The following DMD variants were observed in gnomAD, a reference collection of about 807,000 sequenced individuals.
DMD encodes mutant dystrophin.
In DMD, 63 loss-of-function variants were observed where a neutral mutation model predicts 330.1. That is an observed-to-expected ratio of 0.19 (90% CI 0.16 to 0.24). The LOEUF is 0.24. Ranked by LOEUF, DMD falls within the 10% of genes least tolerant of loss-of-function variation. The pLI is 1.00. For missense variants in DMD, 3,344 were observed against 2,684.1 expected, an observed-to-expected ratio of 1.25 and a Z score of -5.43; for synonymous variants, 1,223 against 959.8, an observed-to-expected ratio of 1.27 and a Z score of -5.07.
chrX:32,399,355 C>G (rs1225790958), intron 30 of DMD, among the ~76,000 whole-genome samples: 7 of 111,501 alleles, frequency 6.3e-5, no homozygotes, highest in Non-Finnish European at 1.3e-4. Context: ...GGATCAATAA[C>G]TAGAATATAT....
chrX:33,269,180 A>G (rs1381759749), intron 1 of DMD, among the ~76,000 whole-genome samples: 2 of 111,519 alleles, frequency 1.8e-5, no homozygotes, highest in Non-Finnish European at 3.8e-5. Context: ...AAAATATCGA[A>G]TCAACCTAAA....
intron 1 of DMD, among the ~76,000 whole-genome samples, chrX:33,320,218 A>G (rs1275261314): frequency 8.9e-6 from 1 of 112,024 alleles, no homozygotes; most frequent in Non-Finnish European, 1.9e-5. Flanking sequence ...CCAAATGCCA[A>G]TGGTACAATA....
chrX:33,066,664 C>A (rs772845859), intron 1 of DMD, among the ~76,000 whole-genome samples: 3 of 109,743 alleles, frequency 2.7e-5, no homozygotes, highest in Non-Finnish European at 5.7e-5. Context: ...AGATGATGCC[C>A]ATTTAAACCT....
chrX:32,409,914 A>G (rs931816677), intron 30 of DMD, among the ~76,000 whole-genome samples: 2 of 111,505 alleles, frequency 1.8e-5, no homozygotes, highest in Admixed American at 1.9e-4. Context: ...CACACTAAAT[A>G]CCCTGACTTG....
At chrX:32,865,118 A>C (rs2082378118) in intron 2 of DMD, among the ~76,000 whole-genome samples, 1 of 111,622 alleles carries the variant, frequency 9.0e-6, no homozygotes, top group East Asian at 2.8e-4. Context: ...CACTTGGCTT[A>C]TTTTCCTTAT....
chrX:32,453,145 A>T (rs947512193), intron 26 of DMD, among the ~76,000 whole-genome samples: 1 of 110,971 alleles, frequency 9.0e-6, no homozygotes, highest in African/African-American at 3.3e-5. Context: ...TAGGCAAATT[A>T]TCATGATTTC....
intron 26 of DMD, among the ~76,000 whole-genome samples, chrX:32,450,257 C>A (rs971736802): frequency 9.0e-6 from 1 of 110,654 alleles, no homozygotes. Context: ...TATAAAATGC[C>A]TTTGTATGTG....
intron 44 of DMD, among the ~76,000 whole-genome samples, chrX:31,999,980 A>T (rs777659884): frequency 8.9e-6 from 1 of 112,514 alleles, no homozygotes; most frequent in Non-Finnish European, 1.9e-5. Context: ...GAGGATTCAG[A>T]ATCCAGAAAT....
intron 1 of DMD, among the ~76,000 whole-genome samples, chrX:33,052,866 C>A (rs2094473598): frequency 1.3e-5 from 1 of 74,760 alleles, no homozygotes; most frequent in African/African-American, 3.7e-5. Context: ...ATAGATGCCC[C>A]ATTTATTCTG....
intron 9 of DMD, among the ~76,000 whole-genome samples, chrX:32,657,009 A>ATG (rs1448875759): frequency 1.1e-4 from 10 of 95,073 alleles, no homozygotes; most frequent in African/African-American, 4.4e-4. Flanking sequence ...ATACCAACTT[A>ATG]TATGTGTGTG....
chrX:32,493,464 T>C (rs758472646), intron 19 of DMD, among the ~76,000 whole-genome samples: 15 of 112,008 alleles, frequency 1.3e-4, no homozygotes, highest in Non-Finnish European at 2.8e-4. Flanking sequence ...AAGAAGTCCG[T>C]GGCCTACAGG....
chrX:32,329,915 A>G (rs1468875636), intron 41 of DMD, among the ~76,000 whole-genome samples: 1 of 112,518 alleles, frequency 8.9e-6, no homozygotes, highest in African/African-American at 3.2e-5. Context: ...CACTTGGATT[A>G]TATTTAATCC....
At chrX:32,233,594 TTTTCTTTTA>T (rs1223022149) in intron 43 of DMD, among the ~76,000 whole-genome samples, 2 of 99,535 alleles carry the variant, frequency 2.0e-5, no homozygotes, top group African/African-American at 7.3e-5. Flanking sequence ...TACAATTTCT[TTTTCTTTTA>T]TTTATTTATT....
intron 42 of DMD, among the ~76,000 whole-genome samples, chrX:32,300,813 A>G (rs927858730): frequency 4.5e-5 from 5 of 111,103 alleles, no homozygotes; most frequent in African/African-American, 1.6e-4. Flanking sequence ...TATGGAGGAA[A>G]AATTCCAAAG....
intron 2 of DMD, among the ~76,000 whole-genome samples, chrX:32,888,669 A>C (rs557533097): frequency 8.9e-6 from 1 of 112,169 alleles, no homozygotes; most frequent in African/African-American, 3.2e-5. Flanking sequence ...GTACATACCT[A>C]AGGAAATGAC....
chrX:33,085,212 A>T (rs781771970), intron 1 of DMD, among the ~76,000 whole-genome samples: 1 of 112,087 alleles, frequency 8.9e-6, no homozygotes, highest in Non-Finnish European at 1.9e-5. Context: ...GCCTGAAAAC[A>T]TAACAACAAC....
chrX:32,190,240 A>G (rs2096967144), intron 44 of DMD, among the ~76,000 whole-genome samples: 1 of 110,743 alleles, frequency 9.0e-6, no homozygotes, highest in Non-Finnish European at 1.9e-5. Context: ...ATTGCCGTAG[A>G]TCAATTGTCA....
At chrX:31,866,194 C>T (rs2093796467) in intron 48 of DMD, among the ~76,000 whole-genome samples, 1 of 111,343 alleles carries the variant, frequency 9.0e-6, no homozygotes, top group Non-Finnish European at 1.9e-5. Flanking sequence ...TCTTCAAACC[C>T]GTACCTGCTC....
At chrX:33,092,939 T>C (rs1425023225) in intron 1 of DMD, among the ~76,000 whole-genome samples, 1 of 110,992 alleles carries the variant, frequency 9.0e-6, no homozygotes, top group Non-Finnish European at 1.9e-5. Flanking sequence ...AGTGTCACGA[T>C]CTCAGCTCAC....
Sources: gnomAD v4.1 joint callset for allele counts (sites outside exome capture counted in the v4.1 genomes callset) on GRCh38, gnomAD v4.1.1 for gene constraint, MANE v1.5 for transcripts, NCBI Gene and HGNC (gene_info 2026-07-23, HGNC 2026-07-21) for gene names.